JAZF1: variants seen among roughly 807,000 people sequenced by gnomAD.
JAZF1 encodes JAZF zinc finger 1, also known as juxtaposed with another zinc finger protein 1.
JAZF1 carries 8 observed loss-of-function variants against 26.4 expected under a neutral mutation model. The ratio of observed to expected loss-of-function variants is 0.30; its 90% CI spans 0.18 to 0.55. JAZF1 has a LOEUF of 0.55. Among genes scored for constraint, JAZF1 ranks in the 20% least tolerant of loss-of-function variants. The probability of loss-of-function intolerance (pLI) is 0.94; values close to 1 mark genes in which losing one functional copy is unlikely to be tolerated. For synonymous variants in JAZF1, 126 were observed against 122.3 expected, an observed-to-expected ratio of 1.03 and a Z score of -0.20; for missense variants, 199 against 322.0, an observed-to-expected ratio of 0.62 and a Z score of 2.92.
At chr7:28,073,298 T>C (rs1784004929) in intron 1 of JAZF1, among the ~76,000 whole-genome samples, 1 of 151,774 alleles carries the variant, frequency 6.6e-6, no homozygotes, top group African/African-American at 2.4e-5. Flanking sequence ...CACACACCCA[T>C]CCATGCTGTT....
intron 1 of JAZF1, among the ~76,000 whole-genome samples, chr7:28,106,466 A>G (rs1347574543): frequency 6.6e-6 from 1 of 152,192 alleles, no homozygotes. Context: ...AGCGAGTTCT[A>G]GGGAGACACA....
chr7:28,100,555 C>A (rs1376266681), intron 1 of JAZF1, among the ~76,000 whole-genome samples: 1 of 152,080 alleles, frequency 6.6e-6, no homozygotes. Flanking sequence ...CGTGATTCTG[C>A]AAGTTTAATT....
Position 28,112,257 on chromosome 7 carries a change from A to G in JAZF1, c.115+68206T>C, listed in dbSNP as rs183194888. 2.0e-5 allele frequency among the ~76,000 whole-genome samples: 3 copies of G among 152,352 alleles called. No individual in the cohort carries two copies. The East Asian group carries it at 5.8e-4, about 29-fold the overall frequency. ...AGTTAGTGGAGGTGAAGTCACTGAC[A>G]TAACAATGGAGGCCAGTTTCATTAG... On this transcript the variant is annotated intron_variant, in intron 1 of 4. Coordinates refer to ENST00000283928, the MANE Select transcript of JAZF1 (RefSeq NM_175061.4).
intron 1 of JAZF1, among the ~76,000 whole-genome samples, chr7:28,038,208 C>T (rs576824905): frequency 7.2e-5 from 11 of 152,228 alleles, no homozygotes; most frequent in Non-Finnish European, 1.3e-4. Context: ...GTAAATGAAA[C>T]ATTAACATAT....
chr7:28,072,977 C>CTAAATTT (rs1783999817), intron 1 of JAZF1, among the ~76,000 whole-genome samples: 3 of 152,240 alleles, frequency 2.0e-5, no homozygotes, highest in South Asian at 4.2e-4. Context: ...TCACCTTGTT[C>CTAAATTT]CCCTCCTCCC....
intron 4 of JAZF1, among the ~76,000 whole-genome samples, chr7:27,839,715 T>C (rs1782885000): frequency 6.6e-6 from 1 of 152,234 alleles, no homozygotes; most frequent in Non-Finnish European, 1.5e-5. Flanking sequence ...AACTTTGTGA[T>C]ACATTTGTGT....
Position 27,895,327 on chromosome 7 carries a change from G to A in JAZF1, c.278C>T (p.Ser93Phe). The A allele has an allele frequency of 6.2e-7, 1 of 1,611,980 alleles. No homozygotes were observed. Among genetic ancestry groups the A allele is most frequent in the Non-Finnish European group, 8.5e-7 (1 of 1,179,102 alleles). ...KLSLTLSSSV[S>F]RGNVSTPPRH... The stretch of plus-strand genomic sequence containing the variant: ...TGGGGGAGTGGACACATTCCCTCGA[G>A]ACACTGAGCTGGACAGAGTCAGCGA... The change falls in exon 3 of 5, where the codon TCT becomes TTT. Residue 93 changes from serine to phenylalanine, a missense_variant. Ser to Phe is a radical substitution (Grantham distance 155). Transcript: ENST00000283928.
chr7:27,939,368 C>T (rs553431552), intron 2 of JAZF1, among the ~76,000 whole-genome samples: 1 of 152,200 alleles, frequency 6.6e-6, no homozygotes. Context: ...AGAAGCAGCA[C>T]TGTGGCAGGG....
intron 2 of JAZF1, among the ~76,000 whole-genome samples, chr7:27,988,303 G>A (rs1009237733): frequency 2.6e-5 from 4 of 151,702 alleles, no homozygotes; most frequent in African/African-American, 9.7e-5. Flanking sequence ...GCATAAGTAA[G>A]GCTTTGACAA....
intron 1 of JAZF1, among the ~76,000 whole-genome samples, chr7:28,013,591 C>T (rs1340964447): frequency 6.6e-6 from 1 of 152,104 alleles, no homozygotes; most frequent in Non-Finnish European, 1.5e-5. Flanking sequence ...CAGAACCACG[C>T]TTCTAGAACC....
At chr7:28,056,816 T>C (rs1413449634) in intron 1 of JAZF1, among the ~76,000 whole-genome samples, 1 of 152,142 alleles carries the variant, frequency 6.6e-6, no homozygotes, top group African/African-American at 2.4e-5. Flanking sequence ...CTCACCTCCA[T>C]GACTTAAGAA....
At chr7:28,045,659 C>T (rs533813113) in intron 1 of JAZF1, among the ~76,000 whole-genome samples, 1 of 152,278 alleles carries the variant, frequency 6.6e-6, no homozygotes, top group Admixed American at 6.5e-5. Context: ...TCACTATAGC[C>T]TTGAACTCCT....
intron 2 of JAZF1, among the ~76,000 whole-genome samples, chr7:27,919,938 A>G (rs1784502441): frequency 6.6e-6 from 1 of 152,212 alleles, no homozygotes; most frequent in African/African-American, 2.4e-5. Flanking sequence ...TGCAAGTTGT[A>G]TTACTGCTTG....
chr7:28,093,702 G>A (rs1435918099), intron 1 of JAZF1, among the ~76,000 whole-genome samples: 2 of 152,190 alleles, frequency 1.3e-5, no homozygotes, highest in Non-Finnish European at 2.9e-5. Flanking sequence ...CCATTCAGGG[G>A]GAAATGAAGA....
rs1554280811 is a variant in JAZF1 at position 27,998,071 on chromosome 7, A to AGGCAGGC, written c.116-6091_116-6090insGCCTGCC. On this transcript the variant is annotated intron_variant, in intron 1 of 4. Transcript: ENST00000283928. ...GAAGGAAGGAAGGAAGGAAGGAAGG[A>AGGCAGGC]AGGCAGGCAGGCAGGCAGGCAGGCA... Among the ~76,000 whole-genome samples, 219 of 111,596 alleles carry AGGCAGGC rather than the reference A, an allele frequency of 2.0e-3. 2 individuals are homozygous for AGGCAGGC. Among genetic ancestry groups the AGGCAGGC allele is most frequent in the African/African-American group, 6.9e-3 (167 of 24,370 alleles). 73.2% of individuals were successfully genotyped at this position (111,596 alleles called of 152,430 possible).
chr7:28,129,049 T>A (rs1295307589), intron 1 of JAZF1, among the ~76,000 whole-genome samples: 1 of 152,074 alleles, frequency 6.6e-6, no homozygotes, highest in Non-Finnish European at 1.5e-5. Context: ...TATGCAAGAC[T>A]CTTTTCCTTG....
rs538289713 is a variant in JAZF1 at position 27,986,854 on chromosome 7, G to A, written c.188+5055C>T. On this transcript the variant is annotated intron_variant, in intron 2 of 4. Transcript: ENST00000283928. Reference sequence around the variant, plus strand: ...TATTTTTTGGTGGAGACGGGGTTTCGCCGTGTTGGCCGGGCTGGTCTCCAG... The same window carrying A: ...TATTTTTTGGTGGAGACGGGGTTTCACCGTGTTGGCCGGGCTGGTCTCCAG... Among the ~76,000 whole-genome samples, 9 of 152,198 alleles carry A rather than the reference G, an allele frequency of 5.9e-5. No homozygotes were observed. In the South Asian group the frequency reaches 8.3e-4, roughly 14 times the overall value.
At chr7:28,053,211 C>A (rs1783643834) in intron 1 of JAZF1, among the ~76,000 whole-genome samples, 2 of 152,176 alleles carry the variant, frequency 1.3e-5, no homozygotes, top group African/African-American at 4.8e-5. Flanking sequence ...TTTCTTAATC[C>A]ACTCATCTGC....
At chr7:27,972,952 T>C (rs10265999) in intron 2 of JAZF1, among the ~76,000 whole-genome samples, 21 of 150,006 alleles carry the variant, frequency 1.4e-4, no homozygotes, top group Admixed American at 1.0e-3. Context: ...TGTGTATATA[T>C]ACACACACAC....
Sources: gnomAD v4.1 joint callset for allele counts (sites outside exome capture counted in the v4.1 genomes callset) on GRCh38, gnomAD v4.1.1 for gene constraint, MANE v1.5 for transcripts, NCBI Gene and HGNC (gene_info 2026-07-23, HGNC 2026-07-21) for gene names.